BANK1: variants seen among roughly 807,000 people sequenced by gnomAD.
The protein encoded by BANK1 is B cell scaffold protein with ankyrin repeats 1.
Under a neutral mutation model 94.5 loss-of-function variants are expected in BANK1, and 95 were observed. The observed-to-expected ratio is 1.00, with a 90% CI of 0.85 to 1.19. The LOEUF is 1.19. Ranked by LOEUF, BANK1 falls within the 50% of genes most tolerant of loss-of-function variation. The probability of loss-of-function intolerance (pLI) is 0.00; values close to 1 mark genes in which losing one functional copy is unlikely to be tolerated. For missense variants in BANK1, 987 were observed against 932.2 expected (o/e 1.06, Z -0.77); for synonymous variants, 334 against 308.4 (o/e 1.08, Z -0.87).
chr4:101,953,490 TG>T (rs1724239512), intron 7 of BANK1, among the ~76,000 whole-genome samples: 1 of 152,092 alleles, frequency 6.6e-6, no homozygotes, highest in African/African-American at 2.4e-5. Flanking sequence ...TTGGAAATTT[TG>T]CAGCAGACTT....
At chr4:101,837,130 A>AT (rs1028309160) in intron 2 of BANK1, among the ~76,000 whole-genome samples, 3 of 152,120 alleles carry the variant, frequency 2.0e-5, no homozygotes, top group Admixed American at 6.6e-5. Context: ...ATTATGTACA[A>AT]TTTTTTTTAA....
intron 7 of BANK1, among the ~76,000 whole-genome samples, chr4:101,944,015 T>A (rs368973205): frequency 7.0e-4 from 99 of 141,350 alleles, no homozygotes; most frequent in African/African-American, 2.3e-3. Context: ...TAAATGTGTG[T>A]GTGTGTTTGT....
intron 7 of BANK1, among the ~76,000 whole-genome samples, chr4:101,924,449 TC>T (rs1274611555): frequency 6.6e-6 from 1 of 151,842 alleles, no homozygotes; most frequent in African/African-American, 2.4e-5. Flanking sequence ...ACACTCTCTT[TC>T]CATATACACA....
chr4:101,817,858 C>T (rs1725978665), intron 1 of BANK1, among the ~76,000 whole-genome samples: 1 of 150,396 alleles, frequency 6.6e-6, no homozygotes, highest in South Asian at 2.1e-4. Flanking sequence ...TTTTTTTTAG[C>T]TCATCAGCTG....
intron 7 of BANK1, among the ~76,000 whole-genome samples, chr4:102,005,171 T>C (rs914114436): frequency 7.9e-5 from 12 of 152,074 alleles, no homozygotes; most frequent in Non-Finnish European, 1.0e-4. Flanking sequence ...ACTTCTCTGT[T>C]CTTAAAATGT....
chr4:101,934,416 T>C (rs1205084619), intron 7 of BANK1, among the ~76,000 whole-genome samples: 1 of 151,286 alleles, frequency 6.6e-6, no homozygotes, highest in Non-Finnish European at 1.5e-5. Flanking sequence ...GGGGAAATGA[T>C]GACTGTGGTC....
At chr4:101,846,979 C>G (rs1727273349) in intron 2 of BANK1, among the ~76,000 whole-genome samples, 1 of 152,140 alleles carries the variant, frequency 6.6e-6, no homozygotes, top group Non-Finnish European at 1.5e-5. Flanking sequence ...CAACTTCCAT[C>G]CCTTTTCCTC....
At chr4:101,948,547 G>C (rs1203068308) in intron 7 of BANK1, among the ~76,000 whole-genome samples, 3 of 152,118 alleles carry the variant, frequency 2.0e-5, no homozygotes, top group African/African-American at 7.2e-5. Flanking sequence ...AGGAAACTCA[G>C]TCTCTGTGAA....
At chr4:102,068,758 G>A (rs754934809) in intron 13 of BANK1, among the ~76,000 whole-genome samples, 5 of 151,882 alleles carry the variant, frequency 3.3e-5, no homozygotes, top group Non-Finnish European at 7.4e-5. Flanking sequence ...AACCTAGGAG[G>A]TGGAGGTTGC....
chr4:101,854,858 T>C (rs1349588900), intron 2 of BANK1, among the ~76,000 whole-genome samples, 177 bp from the exon 3 acceptor site: 1 of 152,198 alleles, frequency 6.6e-6, no homozygotes, highest in Non-Finnish European at 1.5e-5. Flanking sequence ...ATAAAACTAG[T>C]TAAATTGTGA....
chr4:101,896,953 A>G (rs898940722), intron 6 of BANK1, among the ~76,000 whole-genome samples: 1 of 151,984 alleles, frequency 6.6e-6, no homozygotes, highest in African/African-American at 2.4e-5. Flanking sequence ...GTTATTGTAA[A>G]TGTATTTTCT....
At chr4:101,993,865 T>G (rs183755548) in intron 7 of BANK1, among the ~76,000 whole-genome samples, 1 of 152,248 alleles carries the variant, frequency 6.6e-6, no homozygotes, top group Non-Finnish European at 1.5e-5. Flanking sequence ...TAAGCTTTTC[T>G]TACCAATTTT....
At chr4:101,997,745 T>C (rs1725929038) in intron 7 of BANK1, among the ~76,000 whole-genome samples, 1 of 152,214 alleles carries the variant, frequency 6.6e-6, no homozygotes, top group Admixed American at 6.5e-5. Context: ...GTAGTTTGTA[T>C]TTCTGTGGGA....
chr4:101,869,313 A>G (rs1336341585), intron 4 of BANK1, among the ~76,000 whole-genome samples: 1 of 151,930 alleles, frequency 6.6e-6, no homozygotes, highest in Non-Finnish European at 1.5e-5. Context: ...CAGAACTTCC[A>G]TTACCATATG....
intron 6 of BANK1, among the ~76,000 whole-genome samples, chr4:101,895,837 G>C (rs958706271): frequency 6.6e-6 from 1 of 151,668 alleles, no homozygotes; most frequent in Non-Finnish European, 1.5e-5. Context: ...TGCTTCCCGG[G>C]GTGATGTTTT....
intron 10 of BANK1, among the ~76,000 whole-genome samples, chr4:102,037,796 G>A (rs1727561548): frequency 6.6e-6 from 1 of 152,124 alleles, no homozygotes; most frequent in Admixed American, 6.5e-5. Context: ...TATGTACAGT[G>A]GCCTGCACAG....
At chr4:101,904,238 G>A (rs1402015564) in intron 6 of BANK1, among the ~76,000 whole-genome samples, 1 of 152,194 alleles carries the variant, frequency 6.6e-6, no homozygotes, top group Non-Finnish European at 1.5e-5. Context: ...AGCAGGAGAA[G>A]GCAATCTTGG....
intron 2 of BANK1, among the ~76,000 whole-genome samples, chr4:101,853,451 C>G (rs1727566791): frequency 6.6e-6 from 1 of 152,112 alleles, no homozygotes; most frequent in Non-Finnish European, 1.5e-5. Flanking sequence ...CCAAAGAGCA[C>G]CAGGAATGTA....
chr4:101,791,675 G>A (rs1560575712), intron 1 of BANK1, among the ~76,000 whole-genome samples: 1 of 152,142 alleles, frequency 6.6e-6, no homozygotes, highest in Non-Finnish European at 1.5e-5. Context: ...TGGAGTGTTC[G>A]TGGTGAGAAA....
Sources: allele counts gnomAD v4.1 joint callset (sites outside exome capture counted in the v4.1 genomes callset), GRCh38; gene constraint gnomAD v4.1.1; transcripts MANE v1.5; gene names NCBI Gene and HGNC (gene_info 2026-07-23, HGNC 2026-07-21).